TNRC6B: variants seen among roughly 807,000 people sequenced by gnomAD.
TNRC6B encodes the protein trinucleotide repeat containing adaptor 6B, also known as trinucleotide repeat-containing gene 6B protein.
Under a neutral mutation model 203.6 loss-of-function variants are expected in TNRC6B, and 52 were observed. That is an observed-to-expected ratio of 0.26 (90% CI 0.20 to 0.32). The LOEUF is 0.32. Ranked by LOEUF, TNRC6B falls within the 10% of genes least tolerant of loss-of-function variation. The pLI, the probability that TNRC6B is intolerant of heterozygous loss-of-function variation, is 1.00. For missense variants in TNRC6B, 1,923 were observed against 2,286.2 expected (o/e 0.84, Z 3.24); for synonymous variants, 838 against 845.7 (o/e 0.99, Z 0.16).
chr22:40,302,131 T>A (rs2071031777), intron 15 of TNRC6B, among the ~76,000 whole-genome samples: 1 of 152,216 alleles, frequency 6.6e-6, no homozygotes, highest in Admixed American at 6.5e-5. Flanking sequence ...GTTATGCCTT[T>A]AACATTCTTC....
intron 1 of TNRC6B, among the ~76,000 whole-genome samples, chr22:40,196,884 C>T (rs2069343900): frequency 6.6e-6 from 1 of 152,098 alleles, no homozygotes; most frequent in Non-Finnish European, 1.5e-5. Context: ...ATGCTGCACA[C>T]ACTTCCATTA....
chr22:40,063,937 G>A lies in TNRC6B; in HGVS notation c.-121+18939G>A, dbSNP rs553436943. On this transcript the variant is annotated intron_variant, in intron 1 of 23. Coordinates refer to the TNRC6B transcript ENST00000301923. ...AGGTTGGTCTCGAACTCCTGGGCTC[G>A]AGTGATCCTCCCGCCTCAGCCTCCC... is the stretch of plus-strand genomic sequence containing the variant. Among the ~76,000 whole-genome samples the A allele has an allele frequency of 1.1e-4, 17 of 152,134 alleles. No homozygotes were observed. The South Asian group carries it at 2.5e-3, about 22-fold the overall frequency.
At chr22:40,229,380 C>T (rs1486007240) in intron 1 of TNRC6B, among the ~76,000 whole-genome samples, 5 of 151,858 alleles carry the variant, frequency 3.3e-5, no homozygotes, top group Non-Finnish European at 4.4e-5. Context: ...ATCTCACTTA[C>T]GGGGCTGTGT....
At position 40,327,156 on chromosome 22, in the gene TNRC6B, T is replaced by A. The variant is rs1392312277; in HGVS notation, c.*3915T>A. ...AGGTAAAGGGAGTGGGTGGGGTTGCTGCCTGCAATTTCTCTAAAACCGCTT... is the reference window on the plus strand; with the variant it reads ...AGGTAAAGGGAGTGGGTGGGGTTGCAGCCTGCAATTTCTCTAAAACCGCTT... On this transcript the variant is annotated 3_prime_UTR_variant, in exon 23 of 23. Transcript: ENST00000454349. 1 of 153,190 alleles carries A rather than the reference T, an allele frequency of 6.5e-6. No individual in the cohort carries two copies. The highest frequency in any genetic ancestry group is 1.5e-5 in the Non-Finnish European group (1 of 68,102). The allele number at this position is 153,190 out of a possible 1,614,324, so 9.5% of individuals were successfully genotyped here.
intron 3 of TNRC6B, 148 bp downstream of exon 3, chr22:40,251,348 G>C (rs2146478549): frequency 1.7e-6 from 1 of 593,110 alleles, no homozygotes; most frequent in East Asian, 3.1e-5. Context: ...GAGCAGTAAT[G>C]ACAAATTGAA....
At chr22:40,081,271 A>G (rs1347322530) in intron 1 of TNRC6B, among the ~76,000 whole-genome samples, 1 of 144,666 alleles carries the variant, frequency 6.9e-6, no homozygotes, top group African/African-American at 2.6e-5. Context: ...TCTTCAATGT[A>G]TCCAGGGTAC....
At position 40,149,286 on chromosome 22, in the gene TNRC6B, A is replaced by C. The variant is rs2068724183; in HGVS notation, c.46-6829A>C. Among the ~76,000 whole-genome samples, 6 of 152,188 alleles carry C rather than the reference A, an allele frequency of 3.9e-5. No homozygotes were observed. In the South Asian group the frequency reaches 1.2e-3, roughly 31 times the overall value. On this transcript the variant is annotated intron_variant, in intron 3 of 23. Coordinates refer to the TNRC6B transcript ENST00000301923. The stretch of plus-strand genomic sequence containing the variant: ...AAAAGAGTACATACTGTTTGATTCC[A>C]CTTATGGAAGCTCCAGAAAATGCAG...
At chr22:40,228,543 A>G (rs1962769) in intron 1 of TNRC6B, among the ~76,000 whole-genome samples, 104,211 of 149,674 alleles carry the variant, frequency 0.7, 37,635 homozygotes, top group East Asian at 0.99. Context: ...TTTTTGAGAC[A>G]GAGTCTTGCT....
rs374041253 is a variant in TNRC6B at position 40,265,712 on chromosome 22, C to T, written c.1482C>T (p.Asn494=). 6.2e-6 allele frequency: 10 copies of T among 1,613,936 alleles called. No homozygotes were observed. Among genetic ancestry groups the T allele is most frequent in the Non-Finnish European group, 8.5e-6 (10 of 1,179,868 alleles). The change falls in exon 5 of 23, where the codon AAC becomes AAT. Residue 494 remains asparagine, a synonymous_variant. Transcript: ENST00000454349. ...TTGGCCCCCAGGACTCTAATGACAACAAATGGGGTGAAGGGAACAAAATGA... is the reference window on the plus strand; with the variant it reads ...TTGGCCCCCAGGACTCTAATGACAATAAATGGGGTGAAGGGAACAAAATGA... ...WNFGPQDSND[N]KWGEGNKMTS... is the part of the protein sequence containing the mutation.
rs577293742 is a variant in TNRC6B, at chr22:40,311,034, T to C, written c.4435+41T>C. 2.6e-6 allele frequency: 4 copies of C among 1,568,302 alleles called. No individual in the cohort carries two copies. In the Admixed American group the frequency reaches 7.3e-5, roughly 29 times the overall value. ...TGCTTTTCCCAGGATAGCATTTGTT[T>C]TGTAATTGTCAGTTTCAGGTTCAGA... On this transcript the variant is annotated intron_variant, in intron 17 of 22. Coordinates refer to ENST00000454349, the MANE Select transcript of TNRC6B (RefSeq NM_001162501.2).
intron 9 of TNRC6B, among the ~76,000 whole-genome samples, chr22:40,278,842 C>T (rs1401198167): frequency 6.6e-6 from 1 of 152,212 alleles, no homozygotes; most frequent in Admixed American, 6.5e-5. Context: ...CAGGTTCAAG[C>T]GATTTTTCCC....
At position 40,323,226 on chromosome 22, in the gene TNRC6B, G is replaced by A. The variant is rs1285062727; in HGVS notation, c.5487G>A (p.Gly1829=). The change falls in exon 23 of 23, where the codon GGG becomes GGA. Residue 1829 remains glycine, a synonymous_variant. Transcript: ENST00000454349. ...TACCTGGTGACCTTCTGGGAGGAGG[G>A]TCGGATTCAATCTGAACTTAGAACT... ...PLLPGDLLGG[G]SDSI The A allele has an allele frequency of 1.2e-6, 2 of 1,611,688 alleles. No homozygotes were observed. The highest frequency in any genetic ancestry group is 1.3e-5 in the African/African-American group (1 of 74,846).
chr22:40,247,610 G>T (rs1020737206), intron 2 of TNRC6B, among the ~76,000 whole-genome samples: 10 of 152,120 alleles, frequency 6.6e-5, no homozygotes, highest in Admixed American at 3.3e-4. Flanking sequence ...ATAATAGACC[G>T]CTGTGCTCTT....
chr22:40,294,570 A>C (rs1009772390), intron 12 of TNRC6B, among the ~76,000 whole-genome samples: 13 of 152,240 alleles, frequency 8.5e-5, no homozygotes, highest in Admixed American at 3.9e-4. Flanking sequence ...GGGCAACACT[A>C]TGTTACCAAA....
intron 3 of TNRC6B, among the ~76,000 whole-genome samples, chr22:40,138,412 C>T (rs2146335847): frequency 6.6e-6 from 1 of 152,258 alleles, no homozygotes; most frequent in Admixed American, 6.5e-5. Flanking sequence ...ATTACAGGCA[C>T]ACACCACCAT....
chr22:40,156,755 G>GTTTTTTTTTTTTTTTTTTTT (rs542249864), intron 4 of TNRC6B, among the ~76,000 whole-genome samples: 1 of 135,008 alleles, frequency 7.4e-6, no homozygotes, highest in African/African-American at 2.8e-5. Flanking sequence ...TTTGTTGTTG[G>GTTTTTTTTTTTTTTTTTTTT]TTTTTTTTTT....
At chr22:40,137,126 A>G (rs8140112) in intron 3 of TNRC6B, among the ~76,000 whole-genome samples, 27,438 of 152,236 alleles carry the variant, frequency 0.18, 3,262 homozygotes, top group Admixed American at 0.32. Flanking sequence ...GTGTTTTGGT[A>G]GGGGATGCAG....
rs775135338 is a variant in TNRC6B, at chr22:40,315,506, G to A, written c.4902G>A (p.Ser1634=). ...GGACACAGGACTCACGGCTCGCCTC[G>A]GGTGAGGAGGATCTGCCTAAAGGAA... is the stretch of plus-strand genomic sequence containing the variant. ...GWGTQDSRLA[S]ASTWSDGGSV... Residue 1634 remains serine (S), a splice_region_variant and synonymous_variant, in exon 20 of 23, where the codon TCG becomes TCA. Transcript: ENST00000454349. The A allele has an allele frequency of 1.8e-5, 29 of 1,613,754 alleles. No individual in the cohort carries two copies. Among genetic ancestry groups the A allele is most frequent in the Admixed American group, 3.3e-5 (2 of 59,988 alleles).
chr22:40,297,861 G>A (rs539487237), intron 12 of TNRC6B, among the ~76,000 whole-genome samples: 3 of 151,112 alleles, frequency 2.0e-5, no homozygotes, highest in South Asian at 2.1e-4. Context: ...AGTGGTTCAC[G>A]CCTGTAATCC....
Sources: gnomAD v4.1 joint callset for allele counts (sites outside exome capture counted in the v4.1 genomes callset) on GRCh38, gnomAD v4.1.1 for gene constraint, MANE v1.5 for transcripts, NCBI Gene and HGNC (gene_info 2026-07-23, HGNC 2026-07-21) for gene names.